SMURF1: variants seen among roughly 807,000 people sequenced by gnomAD.
The protein encoded by SMURF1 is E3 ubiquitin-protein ligase SMURF1.
A neutral mutation model predicts 98.0 loss-of-function variants in SMURF1; 44 were observed. The observed-to-expected ratio is 0.45, with a 90% CI of 0.35 to 0.58. The LOEUF (loss-of-function observed/expected upper bound fraction) is 0.58. SMURF1 is among the 20% of genes least tolerant of loss of function. The probability of loss-of-function intolerance (pLI) is 0.00; values close to 1 mark genes in which losing one functional copy is unlikely to be tolerated. For missense variants in SMURF1, 687 were observed against 938.4 expected, an observed-to-expected ratio of 0.73 and a Z score of 3.50; for synonymous variants, 396 against 374.9, an observed-to-expected ratio of 1.06 and a Z score of -0.65.
chr7:99,143,653 A>C, intron 1 of SMURF1, 73 bp downstream of exon 1: 1 of 1,319,482 alleles, frequency 7.6e-7, no homozygotes, highest in Non-Finnish European at 1.0e-6. Flanking sequence ...GCCGCTTCCA[A>C]GGGCGCCCTG....
intron 1 of SMURF1, among the ~76,000 whole-genome samples, chr7:99,136,702 G>A (rs778750364): frequency 2.6e-5 from 4 of 152,164 alleles, no homozygotes; most frequent in South Asian, 2.1e-4. Context: ...TGTAATCCAC[G>A]TACTTTGGGA....
At chr7:99,037,278 C>A (rs1795182094) in intron 14 of SMURF1, 91 bp from the exon 15 acceptor site, 1 of 1,542,634 alleles carries the variant, frequency 6.5e-7, no homozygotes, top group Non-Finnish European at 8.9e-7. Context: ...CACTCTGTCA[C>A]CCAGGCTGGA....
rs773951704 is a variant in SMURF1, at chr7:99,057,551, T to C, written c.204A>G (p.Leu68=). ...LDPKWNQHYD[L]YVGKTDSITI... is the part of the protein sequence containing the mutation. ...TTATCGAATCCGTTTTCCCAACATA[T>C]CTGGAAAGAAAGTGCAAAACTCATT... Residue 68 remains leucine, a splice_region_variant and synonymous_variant, in exon 4 of 18, where the codon CTA becomes CTG. Coordinates refer to ENST00000361368, the MANE Select transcript of SMURF1 (RefSeq NM_181349.3). 7.1e-6 allele frequency: 11 copies of C among 1,538,604 alleles called. No homozygotes were observed. The highest frequency in any genetic ancestry group is 1.7e-4 in the Middle Eastern group (1 of 5,736).
intron 10 of SMURF1, among the ~76,000 whole-genome samples, chr7:99,046,683 G>A (rs1179762195): frequency 7.8e-6 from 1 of 127,660 alleles, no homozygotes; most frequent in African/African-American, 3.0e-5. Context: ...AGTGAGCCGA[G>A]ATCATGCCGC....
At chr7:99,030,880 G>A (rs1794851732) in intron 17 of SMURF1, 197 bp from the exon 18 acceptor site, 1 of 490,250 alleles carries the variant, frequency 2.0e-6, no homozygotes, top group Non-Finnish European at 3.7e-6. Context: ...TTTGCTTTTT[G>A]GTAGAGACAG....
chr7:99,131,937 C>T (rs1212690718), intron 1 of SMURF1, among the ~76,000 whole-genome samples: 1 of 152,166 alleles, frequency 6.6e-6, no homozygotes, highest in Non-Finnish European at 1.5e-5. Flanking sequence ...CAAGATGCAA[C>T]CGCAAAGCTT....
At chr7:99,046,201 C>A (rs1795568297) in intron 10 of SMURF1, among the ~76,000 whole-genome samples, 1 of 152,102 alleles carries the variant, frequency 6.6e-6, no homozygotes, top group Non-Finnish European at 1.5e-5. Flanking sequence ...GAGTTCTGAG[C>A]CTCTCTTTAT....
intron 1 of SMURF1, among the ~76,000 whole-genome samples, chr7:99,106,783 G>A (rs182249810): frequency 3.9e-4 from 60 of 152,242 alleles, no homozygotes; most frequent in Non-Finnish European, 5.9e-4. Flanking sequence ...TGCCTTCTCC[G>A]ACCTCTTTTT....
At chr7:99,131,657 C>CA (rs1797874740) in intron 1 of SMURF1, among the ~76,000 whole-genome samples, 1 of 152,106 alleles carries the variant, frequency 6.6e-6, no homozygotes, top group Non-Finnish European at 1.5e-5. Context: ...TTTGAGGCTG[C>CA]AGTGGGCTAT....
chr7:99,136,869 G>A (rs1308189529), intron 1 of SMURF1, among the ~76,000 whole-genome samples: 2 of 152,180 alleles, frequency 1.3e-5, no homozygotes, highest in Non-Finnish European at 2.9e-5. Flanking sequence ...AGGATCACTG[G>A]AGCCCAAGAA....
intron 1 of SMURF1, among the ~76,000 whole-genome samples, chr7:99,081,705 T>G (rs1215597942): frequency 6.6e-6 from 1 of 152,222 alleles, no homozygotes. Context: ...CAGGCTGGAG[T>G]GCAGTGGTGC....
In SMURF1 at chr7:99,057,535, C is replaced by G; in HGVS notation, c.220G>C (p.Asp74His). Residue 74 changes from aspartate (D) to histidine (H), a missense_variant, in exon 4 of 18, where the codon GAT becomes CAT. By Grantham distance (81) the Asp-to-His change is moderately conservative (BLOSUM62 -1). Transcript: ENST00000361368. The stretch of plus-strand genomic sequence containing the variant: ...TTCCACACGCTAATGGTTATCGAAT[C>G]CGTTTTCCCAACATATCTGGAAAGA... ...QHYDLYVGKT[D>H]SITISVWNHK... 6.5e-7 allele frequency: 1 copy of G among 1,542,370 alleles called. No homozygotes were observed. The highest frequency in any genetic ancestry group is 1.3e-5 in the South Asian group (1 of 79,012).
intron 1 of SMURF1, among the ~76,000 whole-genome samples, chr7:99,074,479 A>T (rs1347581918): frequency 6.6e-6 from 1 of 152,218 alleles, no homozygotes; most frequent in Non-Finnish European, 1.5e-5. Context: ...GCCAGAATGA[A>T]TGGGATATCA....
At chr7:99,100,641 C>T (rs2150589433) in intron 1 of SMURF1, among the ~76,000 whole-genome samples, 1 of 152,242 alleles carries the variant, frequency 6.6e-6, no homozygotes, top group South Asian at 2.1e-4. Flanking sequence ...TCCAGCTTTC[C>T]CAGGAGACTA....
chr7:99,041,800 T>G (rs1795396859), intron 12 of SMURF1, among the ~76,000 whole-genome samples: 1 of 152,210 alleles, frequency 6.6e-6, no homozygotes, highest in Non-Finnish European at 1.5e-5. Context: ...CGGAACCTAC[T>G]CCTTAGAATG....
intron 1 of SMURF1, among the ~76,000 whole-genome samples, chr7:99,123,590 T>A (rs1049503923): frequency 1.3e-5 from 2 of 152,130 alleles, no homozygotes; most frequent in African/African-American, 4.8e-5. Flanking sequence ...GGGATGGGAA[T>A]GTGGGGAGAA....
At chr7:99,042,668 C>T (rs1204179478) in intron 11 of SMURF1, among the ~76,000 whole-genome samples, 1 of 152,194 alleles carries the variant, frequency 6.6e-6, no homozygotes, top group Non-Finnish European at 1.5e-5. Context: ...AAAAAAGGCA[C>T]TTTAAATAGA....
At chr7:99,128,229 T>C (rs1471248013) in intron 1 of SMURF1, among the ~76,000 whole-genome samples, 2 of 152,216 alleles carry the variant, frequency 1.3e-5, no homozygotes, top group South Asian at 2.1e-4. Context: ...CTCTGGGGCT[T>C]ATGACAAGAT....
intron 1 of SMURF1, among the ~76,000 whole-genome samples, chr7:99,099,735 G>A (rs1797032621): frequency 6.6e-6 from 1 of 152,156 alleles, no homozygotes; most frequent in African/African-American, 2.4e-5. Context: ...TCCCAAGAGG[G>A]TGGGTTGTTC....
Sources: gnomAD v4.1 joint callset for allele counts (sites outside exome capture counted in the v4.1 genomes callset) on GRCh38, gnomAD v4.1.1 for gene constraint, MANE v1.5 for transcripts, NCBI Gene and HGNC (gene_info 2026-07-23, HGNC 2026-07-21) for gene names.